The following CNTNAP3B variants were observed in gnomAD, a reference collection of about 807,000 sequenced individuals.
CNTNAP3B encodes contactin-associated protein-like 3B.
In CNTNAP3B, 25 loss-of-function variants were observed where a neutral mutation model predicts 108.9. That is an observed-to-expected ratio of 0.23 (90% CI 0.17 to 0.32). CNTNAP3B has a LOEUF of 0.32. Among genes scored for constraint, CNTNAP3B ranks in the 10% least tolerant of loss-of-function variants. The pLI, the probability that CNTNAP3B is intolerant of heterozygous loss-of-function variation, is 1.00. For synonymous variants in CNTNAP3B, 103 were observed against 473.4 expected, an observed-to-expected ratio of 0.22 and a Z score of 10.16; for missense variants, 252 against 1,210.4, an observed-to-expected ratio of 0.21 and a Z score of 11.75.
intron 3 of CNTNAP3B, among the ~76,000 whole-genome samples, chr9:42,075,874 T>TATTATTA: frequency 8.5e-6 from 1 of 118,092 alleles, no homozygotes; most frequent in Non-Finnish European, 1.8e-5. Context: ...TTATTATTAT[T>TATTATTA]GAGACAGAGT....
intron 3 of CNTNAP3B, among the ~76,000 whole-genome samples, chr9:42,049,838 TTTTG>T (rs1424143525): frequency 7.9e-4 from 31 of 39,144 alleles, no homozygotes; most frequent in African/African-American, 3.4e-3. Flanking sequence ...CTTATCACTT[TTTTG>T]TTTGTTTGTT....
chr9:41,963,302 G>A (rs1299053377), intron 11 of CNTNAP3B, among the ~76,000 whole-genome samples: 4 of 152,142 alleles, frequency 2.6e-5, no homozygotes, highest in African/African-American at 9.7e-5. Context: ...CCCAGGGATG[G>A]GCGAAATATT....
At chr9:42,097,952 G>C (rs1297685708) in intron 2 of CNTNAP3B, among the ~76,000 whole-genome samples, 1 of 138,360 alleles carries the variant, frequency 7.2e-6, no homozygotes, top group South Asian at 2.3e-4. Context: ...ACTAAGCTGA[G>C]GGGGAGATCC....
At chr9:41,954,223 G>A (rs1227708070) in intron 12 of CNTNAP3B, among the ~76,000 whole-genome samples, 2 of 152,248 alleles carry the variant, frequency 1.3e-5, no homozygotes, top group Admixed American at 6.5e-5. Context: ...GAGAAACGAA[G>A]AAACATTTGT....
chr9:41,930,193 T>C (rs1310743178), intron 14 of CNTNAP3B, among the ~76,000 whole-genome samples: 2 of 152,268 alleles, frequency 1.3e-5, no homozygotes, highest in Non-Finnish European at 2.9e-5. Flanking sequence ...TTATAAGTAA[T>C]ACATAGACTA....
At chr9:41,944,632 A>G (rs1478611369) in intron 13 of CNTNAP3B, among the ~76,000 whole-genome samples, 16,228 of 143,860 alleles carry the variant, frequency 0.11, 50 homozygotes, top group South Asian at 0.18. Flanking sequence ...GGAAAAAAAG[A>G]AGAAACAAGG....
chr9:42,095,661 C>T lies in CNTNAP3B; in HGVS notation c.196+8968G>A, dbSNP rs1258822085. ...AACCCAGAAAGCTTTCTAGTAGGAG[C>T]TGGAATTCTGGCTGATACAGAGACT... On this transcript the variant is annotated intron_variant, in intron 2 of 23. Coordinates refer to ENST00000377561, the MANE Select transcript of CNTNAP3B (RefSeq NM_001201380.3). 1.9e-4 allele frequency among the ~76,000 whole-genome samples: 26 copies of T among 138,752 alleles called. 4 individuals carry two copies. In the East Asian group the frequency reaches 5.3e-3, roughly 28 times the overall value. 91.0% of individuals were successfully genotyped at this position (138,752 alleles called of 152,430 possible).
intron 13 of CNTNAP3B, among the ~76,000 whole-genome samples, chr9:41,951,614 C>A (rs1824685585): frequency 6.6e-6 from 1 of 152,284 alleles, no homozygotes; most frequent in Non-Finnish European, 1.5e-5. Context: ...TAAATTTCCA[C>A]AACTGCTAAG....
intron 3 of CNTNAP3B, among the ~76,000 whole-genome samples, chr9:42,067,542 A>T (rs1827297459): frequency 6.6e-6 from 1 of 152,154 alleles, no homozygotes; most frequent in African/African-American, 2.4e-5. Flanking sequence ...TCACACAATT[A>T]TGCTCATTTT....
chr9:41,986,711 A>T (rs1825711396), intron 8 of CNTNAP3B, among the ~76,000 whole-genome samples: 1 of 150,616 alleles, frequency 6.6e-6, no homozygotes, highest in East Asian at 2.0e-4. Flanking sequence ...TGAGTTGATA[A>T]AAAATATGTC....
At chr9:41,961,289 T>C (rs1177326233) in intron 11 of CNTNAP3B, among the ~76,000 whole-genome samples, 1 of 152,310 alleles carries the variant, frequency 6.6e-6, no homozygotes, top group South Asian at 2.1e-4. Context: ...GACTGTACTT[T>C]CTCTACATAA....
At chr9:41,951,950 G>T (rs1441793516) in intron 13 of CNTNAP3B, among the ~76,000 whole-genome samples, 1 of 152,364 alleles carries the variant, frequency 6.6e-6, no homozygotes, top group South Asian at 2.1e-4. Flanking sequence ...GGCGGCACCC[G>T]CCTGTATTCT....
At chr9:42,053,901 C>T (rs1217298640) in intron 3 of CNTNAP3B, among the ~76,000 whole-genome samples, 7 of 148,742 alleles carry the variant, frequency 4.7e-5, no homozygotes, top group Non-Finnish European at 8.9e-5. Context: ...TTACCCAGCA[C>T]ACCCACCCAA....
chr9:42,115,468 G>A (rs1460238212), intron 1 of CNTNAP3B, among the ~76,000 whole-genome samples: 1 of 139,492 alleles, frequency 7.2e-6, no homozygotes, highest in African/African-American at 2.8e-5. Context: ...CTCCCAGTAG[G>A]GGCTGACTGA....
chr9:41,959,570 G>T (rs1385903993), intron 12 of CNTNAP3B, among the ~76,000 whole-genome samples: 904 of 151,578 alleles, frequency 6.0e-3, no homozygotes, highest in Non-Finnish European at 9.3e-3. Flanking sequence ...ATTTTTATGG[G>T]ATTTCTCACT....
chr9:42,028,946 G>T (rs1264670610), intron 3 of CNTNAP3B, among the ~76,000 whole-genome samples: 7 of 151,700 alleles, frequency 4.6e-5, no homozygotes, highest in Non-Finnish European at 8.8e-5. Flanking sequence ...GCATTTAAAT[G>T]AGTCGGCAAT....
At chr9:42,041,657 A>G (rs1826759090) in intron 3 of CNTNAP3B, among the ~76,000 whole-genome samples, 1 of 143,770 alleles carries the variant, frequency 7.0e-6, no homozygotes, top group South Asian at 2.3e-4. Context: ...AAACTAGTTC[A>G]ACCATTGTGG....
chr9:41,938,790 C>T (rs1824237619), intron 13 of CNTNAP3B, among the ~76,000 whole-genome samples: 1 of 152,272 alleles, frequency 6.6e-6, no homozygotes, highest in African/African-American at 2.4e-5. Flanking sequence ...TAATATTATA[C>T]AAAGACATTG....
intron 12 of CNTNAP3B, among the ~76,000 whole-genome samples, chr9:41,955,853 A>T (rs1210856118): frequency 3.3e-5 from 5 of 152,268 alleles, no homozygotes; most frequent in African/African-American, 7.2e-5. Context: ...AACAGTACAG[A>T]TGTTCCTCAA....
Sources: gnomAD v4.1 joint callset for allele counts (sites outside exome capture counted in the v4.1 genomes callset) on GRCh38, gnomAD v4.1.1 for gene constraint, MANE v1.5 for transcripts, NCBI Gene and HGNC (gene_info 2026-07-23, HGNC 2026-07-21) for gene names.